The following INTS8 variants were observed in gnomAD, a reference collection of about 807,000 sequenced individuals.
INTS8 encodes the protein protein kaonashi-1.
Under a neutral mutation model 138.9 loss-of-function variants are expected in INTS8, and 47 were observed. The ratio of observed to expected loss-of-function variants is 0.34; its 90% CI spans 0.27 to 0.43. The LOEUF is 0.43. Among genes scored for constraint, INTS8 ranks in the 20% least tolerant of loss-of-function variants. INTS8 has a pLI of 1.00. For missense variants in INTS8, 996 were observed against 1,173.0 expected (o/e 0.85, Z 2.20); for synonymous variants, 392 against 400.9 (o/e 0.98, Z 0.27).
intron 15 of INTS8, 62 bp downstream of exon 15, chr8:94,857,040 A>ATT (rs2131042587): frequency 8.3e-7 from 1 of 1,207,300 alleles, no homozygotes; most frequent in East Asian, 2.4e-5. Flanking sequence ...GTGGGGGAAA[A>ATT]TTTAAAAGCA....
rs146049046 is a variant in INTS8, at chr8:94,828,957, C to G, written c.519-18C>G. On this transcript the variant is annotated intron_variant, in intron 4 of 26. Transcript: ENST00000523731. The stretch of plus-strand genomic sequence containing the variant: ...GAGTAACTTTTGATACTTTTGTTTT[C>G]AATTGTTTCTCTTTTAGTATGAATC... 1.9e-3 allele frequency: 2,998 copies of G among 1,554,086 alleles called. 70 individuals are homozygous for G. In the Admixed American group the frequency reaches 0.037, roughly 19 times the overall value.
At position 94,876,470 on chromosome 8, in the gene INTS8, C is replaced by G; in HGVS notation, c.2852C>G (p.Thr951Arg). The stretch of plus-strand genomic sequence containing the variant: ...GATCTTCATCATAAAAGAGGAGAAA[C>G]AGATAAAAGACAAATTGCAGTAAGT... ...LTYLHHKRGE[T>R]DKRQIAIKAI... The change falls in exon 26 of 27, where the codon ACA (threonine) becomes AGA (arginine). Residue 951 changes from threonine (T) to arginine (R), a missense_variant. Thr to Arg is a moderately conservative substitution (Grantham distance 71). Coordinates refer to ENST00000523731, the MANE Select transcript of INTS8 (RefSeq NM_017864.4). 6.4e-7 allele frequency: 1 copy of G among 1,555,242 alleles called. No individual in the cohort carries two copies. Among genetic ancestry groups the G allele is most frequent in the African/African-American group, 1.4e-5 (1 of 73,656 alleles).
intron 14 of INTS8, among the ~76,000 whole-genome samples, chr8:94,854,528 T>C (rs963546623): frequency 6.6e-6 from 1 of 152,224 alleles, no homozygotes; most frequent in Non-Finnish European, 1.5e-5. Flanking sequence ...AAATATACTT[T>C]TGTAGTGTAT....
intron 10 of INTS8, among the ~76,000 whole-genome samples, chr8:94,844,680 T>G (rs1815264279): frequency 1.3e-5 from 2 of 152,072 alleles, no homozygotes; most frequent in Non-Finnish European, 2.9e-5. Context: ...TTGTAGGAGA[T>G]CTATATATAT....
chr8:94,871,861 ATGT>A lies in INTS8; in HGVS notation c.2415-19_2415-17del, dbSNP rs750276792. ...AAGTTGACTTTTAAAATAGAGATTAATGTTGTGTGTCTTTCCTTTTAGCCTCCA... is the reference window on the plus strand; with the variant it reads ...AAGTTGACTTTTAAAATAGAGATTAATGTGTGTCTTTCCTTTTAGCCTCCA... On this transcript the variant is annotated intron_variant, in intron 20 of 26. Transcript: ENST00000523731. 8.2e-7 allele frequency: 1 copy of A among 1,224,006 alleles called. No homozygotes were observed. Among genetic ancestry groups the A allele is most frequent in the East Asian group, 2.3e-5 (1 of 43,040 alleles). The allele number at this position is 1,224,006 out of a possible 1,614,324, so 75.8% of individuals were successfully genotyped here.
At chr8:94,838,337 G>T in intron 7 of INTS8, 126 bp from the exon 8 acceptor site, 3 of 711,016 alleles carry the variant, frequency 4.2e-6, no homozygotes, top group Admixed American at 2.6e-5. Context: ...GGCGTGAACC[G>T]CTGTGCCCAG....
chr8:94,829,789 C>T (rs1157380738), intron 5 of INTS8, among the ~76,000 whole-genome samples: 5 of 152,140 alleles, frequency 3.3e-5, no homozygotes, highest in Middle Eastern at 3.4e-3. Context: ...TTAGTAGATA[C>T]GAGAAACTGA....
At chr8:94,870,144 C>T (rs796641159) in intron 20 of INTS8, among the ~76,000 whole-genome samples, 6 of 151,896 alleles carry the variant, frequency 4.0e-5, no homozygotes, top group South Asian at 2.1e-4. Context: ...CTCTGCCTCC[C>T]GGGTTCACGC....
chr8:94,857,709 C>A (rs750773416), intron 15 of INTS8, among the ~76,000 whole-genome samples: 1 of 152,172 alleles, frequency 6.6e-6, no homozygotes, highest in African/African-American at 2.4e-5. Context: ...ATGGCCTTCC[C>A]CCTGTGTATG....
At chr8:94,827,650 G>T in intron 3 of INTS8, 72 bp from the exon 4 acceptor site, 1 of 1,260,200 alleles carries the variant, frequency 7.9e-7, no homozygotes. Context: ...ACAAACCTAA[G>T]GAGTACTTGA....
intron 10 of INTS8, among the ~76,000 whole-genome samples, chr8:94,847,242 A>G (rs757733909): frequency 3.9e-5 from 6 of 152,014 alleles, no homozygotes; most frequent in South Asian, 2.1e-4. Flanking sequence ...GGGTTTTACC[A>G]TGTTGGCTGG....
At position 94,844,752 on chromosome 8, in the gene INTS8, C is replaced by CTT. The variant is rs966738887; in HGVS notation, c.1260+2279_1260+2280dup. On this transcript the variant is annotated intron_variant, in intron 10 of 26. Coordinates refer to ENST00000523731, the MANE Select transcript of INTS8 (RefSeq NM_017864.4). ...TCACTGAGTTTGACTTTTAGTTTTTCTTTTTTTTTTTTTTTTGTTTGAGAC... is the reference window on the plus strand; with the variant it reads ...TCACTGAGTTTGACTTTTAGTTTTTCTTTTTTTTTTTTTTTTTTGTTTGAGAC... Among the ~76,000 whole-genome samples, 31 of 136,492 alleles carry CTT rather than the reference C, an allele frequency of 2.3e-4. 1 individual carries two copies. Among genetic ancestry groups the CTT allele is most frequent in the African/African-American group, 4.6e-4 (17 of 37,098 alleles). 89.5% of individuals were successfully genotyped at this position (136,492 alleles called of 152,430 possible). A position where few individuals can be genotyped will look rare whatever the true frequency, so the allele number is the denominator to read the frequency against.
chr8:94,831,523 C>T (rs1375998603), intron 5 of INTS8, among the ~76,000 whole-genome samples: 1 of 150,142 alleles, frequency 6.7e-6, no homozygotes, highest in African/African-American at 2.5e-5. Context: ...GCTCTGTCAC[C>T]CAGGCCGGAG....
At chr8:94,827,123 CTT>C in intron 2 of INTS8, 138 bp from the exon 3 acceptor site, 1 of 728,984 alleles carries the variant, frequency 1.4e-6, no homozygotes, top group Non-Finnish European at 2.2e-6. Context: ...GAAAAAAAAA[CTT>C]TTTCACATTT....
At chr8:94,850,236 A>C in intron 12 of INTS8, 145 bp downstream of exon 12, 1 of 604,236 alleles carries the variant, frequency 1.7e-6, no homozygotes. Context: ...CTTCCGTATC[A>C]GATTTCTGTA....
At chr8:94,839,653 T>C (rs1028660367) in intron 8 of INTS8, among the ~76,000 whole-genome samples, 8 of 152,166 alleles carry the variant, frequency 5.3e-5, no homozygotes, top group African/African-American at 1.9e-4. Context: ...CACAGGTGAA[T>C]TTAATAAAGA....
intron 18 of INTS8, 55 bp from the exon 19 acceptor site, chr8:94,867,085 A>T: frequency 7.7e-7 from 1 of 1,300,880 alleles, no homozygotes; most frequent in Non-Finnish European, 1.1e-6. Flanking sequence ...GACAGGAGCA[A>T]TATTAAATAA....
rs1816792866 is a variant in INTS8, at chr8:94,881,114, G to GAT, written c.*882_*883dup. ...ATAATAGCTTGCTATAGCAGCTATA[G>GAT]ATAAATTAGTCACCTTATTACAAAA... On this transcript the variant is annotated 3_prime_UTR_variant, in exon 27 of 27. Transcript: ENST00000523731. 1 of 396,524 alleles carries GAT rather than the reference G, an allele frequency of 2.5e-6. No homozygotes were observed. Among genetic ancestry groups the GAT allele is most frequent in the African/African-American group, 2.1e-5 (1 of 48,600 alleles). The allele number at this position is 396,524 out of a possible 1,614,324, so 24.6% of individuals were successfully genotyped here.
chr8:94,836,029 T>G (rs1271033134), intron 6 of INTS8, among the ~76,000 whole-genome samples: 1 of 152,206 alleles, frequency 6.6e-6, no homozygotes, highest in Admixed American at 6.5e-5. Flanking sequence ...CATGAGCTGG[T>G]CCTAGTAAGT....
Sources: allele counts gnomAD v4.1 joint callset (sites outside exome capture counted in the v4.1 genomes callset), GRCh38; gene constraint gnomAD v4.1.1; transcripts MANE v1.5; gene names NCBI Gene and HGNC (gene_info 2026-07-23, HGNC 2026-07-21).